HRH1: variants seen among roughly 807,000 people sequenced by gnomAD.
HRH1 encodes histamine H1 receptor.
Under a neutral mutation model 10.3 loss-of-function variants are expected in HRH1, and 6 were observed. The ratio of observed to expected loss-of-function variants is 0.58; its 90% CI spans 0.32 to 1.15. The LOEUF is 1.15. Ranked by LOEUF, HRH1 falls within the 50% of genes most tolerant of loss-of-function variation. The pLI is 0.05. For synonymous variants in HRH1, 242 were observed against 236.7 expected (o/e 1.02, Z -0.21); for missense variants, 514 against 615.3 (o/e 0.84, Z 1.74).
intron 1 of HRH1, among the ~76,000 whole-genome samples, chr3:11,165,616 G>A (rs1937015504): frequency 6.6e-6 from 1 of 152,212 alleles, no homozygotes; most frequent in Non-Finnish European, 1.5e-5. Context: ...ATTGGGCCGG[G>A]TTGCTCCATC....
chr3:11,250,034 C>CTTTT lies in HRH1; in HGVS notation c.-35-8946_-35-8943dup, dbSNP rs71055856. On this transcript the variant is annotated intron_variant, in intron 1 of 1. Transcript: ENST00000431010. ...AGGAAGAGGCAGATTAAGCTTTTCT[C>CTTTT]TTTTTTTTTTTTTTTTTTTTTTTTT... is the stretch of plus-strand genomic sequence containing the variant. 7.7e-4 allele frequency among the ~76,000 whole-genome samples: 47 copies of CTTTT among 60,798 alleles called. 5 individuals carry two copies. Among genetic ancestry groups the CTTTT allele is most frequent in the South Asian group, 2.5e-3 (3 of 1,186 alleles). 39.9% of individuals were successfully genotyped at this position (60,798 alleles called of 152,430 possible). A position where few individuals can be genotyped will look rare whatever the true frequency, so the allele number is the denominator to read the frequency against.
intron 1 of HRH1, among the ~76,000 whole-genome samples, chr3:11,143,708 C>T (rs548875989): frequency 5.3e-5 from 8 of 152,114 alleles, no homozygotes; most frequent in Non-Finnish European, 1.0e-4. Flanking sequence ...GCCTGGTAGA[C>T]TCATCTCCCC....
intron 1 of HRH1, among the ~76,000 whole-genome samples, chr3:11,247,316 C>T (rs2152583989): frequency 6.6e-6 from 1 of 152,324 alleles, no homozygotes; most frequent in Middle Eastern, 3.4e-3. Flanking sequence ...GAAAATTCCT[C>T]AGCAAGGCAA....
intron 1 of HRH1, among the ~76,000 whole-genome samples, chr3:11,163,629 G>A (rs766898647): frequency 6.6e-6 from 1 of 152,134 alleles, no homozygotes; most frequent in Non-Finnish European, 1.5e-5. Context: ...CCCCTATAAG[G>A]CTAATATGTC....
chr3:11,260,224 C>T lies in HRH1; in HGVS notation c.1187C>T (p.Ser396Leu), dbSNP rs138501310. Residue 396 changes from serine (S) to leucine (L), a missense_variant, in exon 2 of 2, where the codon TCG becomes TTG. By Grantham distance (145) the Ser-to-Leu change is moderately radical. Coordinates refer to ENST00000431010, the MANE Select transcript of HRH1 (RefSeq NM_001098212.2). ...YIKFTWKRLRSHSRQYVSGLH... is the reference protein window; with the variant it reads ...YIKFTWKRLRLHSRQYVSGLH... ...AAGTTTACTTGGAAGAGGCTCCGCTCGCATTCAAGACAGTATGTATCTGGG... is the reference window on the plus strand; with the variant it reads ...AAGTTTACTTGGAAGAGGCTCCGCTTGCATTCAAGACAGTATGTATCTGGG... The T allele has an allele frequency of 2.5e-5, 41 of 1,613,994 alleles. No homozygotes were observed. The highest frequency in any genetic ancestry group is 1.0e-4 in the Admixed American group (6 of 59,998).
chr3:11,197,994 C>T (rs563363281), intron 1 of HRH1, among the ~76,000 whole-genome samples: 6 of 152,196 alleles, frequency 3.9e-5, no homozygotes, highest in Admixed American at 3.3e-4. Context: ...GCTTGTTGTT[C>T]GGCATCATTT....
intron 1 of HRH1, among the ~76,000 whole-genome samples, chr3:11,206,433 G>C (rs964524099): frequency 3.9e-5 from 6 of 152,216 alleles, no homozygotes; most frequent in African/African-American, 1.4e-4. Flanking sequence ...TCACATCTTT[G>C]TATACCAAAG....
intron 1 of HRH1, among the ~76,000 whole-genome samples, chr3:11,210,099 G>A (rs1481700775): frequency 6.6e-6 from 1 of 152,118 alleles, no homozygotes; most frequent in East Asian, 1.9e-4. Context: ...TCTCTTATGT[G>A]GAGTTAATAG....
intron 1 of HRH1, among the ~76,000 whole-genome samples, chr3:11,221,175 C>T (rs1383721969): frequency 6.6e-6 from 1 of 152,174 alleles, no homozygotes; most frequent in African/African-American, 2.4e-5. Flanking sequence ...GTTGACAAAT[C>T]CTTTAATGTT....
intron 1 of HRH1, among the ~76,000 whole-genome samples, chr3:11,243,807 A>C (rs138907948): frequency 1.3e-5 from 2 of 152,184 alleles, no homozygotes; most frequent in Admixed American, 1.3e-4. Flanking sequence ...TTGCCTTGAG[A>C]GAGGCAGTTC....
chr3:11,242,883 C>T (rs1490939410), intron 1 of HRH1, among the ~76,000 whole-genome samples: 1 of 152,020 alleles, frequency 6.6e-6, no homozygotes, highest in Admixed American at 6.6e-5. Flanking sequence ...TCTCCCCTGG[C>T]TTCTGCTGTT....
chr3:11,183,827 G>T, intron 1 of HRH1, among the ~76,000 whole-genome samples: 1 of 136,460 alleles, frequency 7.3e-6, no homozygotes. Flanking sequence ...AAATAAGCTT[G>T]TGATGAAACC....
intron 1 of HRH1, among the ~76,000 whole-genome samples, chr3:11,256,781 G>C (rs1299310069): frequency 3.3e-5 from 5 of 152,096 alleles, no homozygotes; most frequent in Non-Finnish European, 7.4e-5. Flanking sequence ...TCTGGCGACA[G>C]AGCGAGACTC....
chr3:11,147,419 T>C (rs1473144114), intron 1 of HRH1, among the ~76,000 whole-genome samples: 2 of 152,164 alleles, frequency 1.3e-5, no homozygotes. Flanking sequence ...TCCCACTTTA[T>C]AGATAAGCAC....
At chr3:11,224,417 G>T (rs1354506575) in intron 1 of HRH1, among the ~76,000 whole-genome samples, 2 of 152,196 alleles carry the variant, frequency 1.3e-5, no homozygotes, top group Admixed American at 6.5e-5. Context: ...ATGTTGGAGG[G>T]CCGGGCGCGG....
intron 1 of HRH1, among the ~76,000 whole-genome samples, chr3:11,245,835 A>G (rs1939465202): frequency 6.6e-6 from 1 of 152,134 alleles, no homozygotes; most frequent in Non-Finnish European, 1.5e-5. Context: ...AGGAGGGCTT[A>G]CTAGTCTCCC....
chr3:11,154,532 A>C lies in HRH1; in HGVS notation c.-58A>C. ...GGCCGCCGCGGCCAACGCGCCACCA[A>C]ACTTTCCCCGGAGCCGGCGCCGGTG... On this transcript the variant is annotated 5_prime_UTR_variant, in exon 1 of 2. Coordinates refer to ENST00000431010, the MANE Select transcript of HRH1 (RefSeq NM_001098212.2). The surrounding 1 kb of genome is among the most constrained non-coding windows in gnomAD (Gnocchi z 4.4). The C allele has an allele frequency of 1.3e-5, 2 of 150,008 alleles. No homozygotes were observed. Among genetic ancestry groups the C allele is most frequent in the Non-Finnish European group, 3.0e-5 (2 of 67,366 alleles). 9.3% of individuals were successfully genotyped at this position (150,008 alleles called of 1,614,324 possible).
intron 1 of HRH1, among the ~76,000 whole-genome samples, chr3:11,157,387 C>G (rs1288251528): frequency 6.6e-6 from 1 of 152,218 alleles, no homozygotes; most frequent in South Asian, 2.1e-4. Context: ...ATAATTGCTC[C>G]TGATCCAAGA....
chr3:11,214,598 GTCAT>G (rs370606152), intron 1 of HRH1, among the ~76,000 whole-genome samples: 6 of 152,170 alleles, frequency 3.9e-5, no homozygotes, highest in Admixed American at 1.3e-4. Flanking sequence ...ACCATGCATT[GTCAT>G]TCATTCATTC....
Sources: gnomAD v4.1 joint callset for allele counts (sites outside exome capture counted in the v4.1 genomes callset) on GRCh38, gnomAD v4.1.1 for gene constraint, Gnocchi (gnomAD v3.1) non-coding constraint, MANE v1.5 for transcripts, NCBI Gene and HGNC (gene_info 2026-07-23, HGNC 2026-07-21) for gene names.